The following EEF1AKMT2 variants were observed in gnomAD, a reference collection of about 807,000 sequenced individuals.
The protein encoded by EEF1AKMT2 is EEF1A lysine methyltransferase 2.
EEF1AKMT2 carries 32 observed loss-of-function variants against 35.8 expected under a neutral mutation model. The ratio of observed to expected loss-of-function variants is 0.89; its 90% CI spans 0.67 to 1.20. The LOEUF is 1.20. EEF1AKMT2 is among the 50% of genes most tolerant of loss of function. EEF1AKMT2 has a pLI of 0.00. For synonymous variants in EEF1AKMT2, 121 were observed against 133.7 expected (o/e 0.91, Z 0.65); for missense variants, 330 against 347.5 (o/e 0.95, Z 0.40).
intron 5 of EEF1AKMT2, 26 bp downstream of exon 5, chr10:124,765,366 C>G (rs777280801): frequency 1.3e-6 from 2 of 1,577,232 alleles, no homozygotes; most frequent in Admixed American, 3.3e-5. Flanking sequence ...GGTAAGCACA[C>G]ATTTAAACAC....
intron 4 of EEF1AKMT2, among the ~76,000 whole-genome samples, chr10:124,771,521 T>C (rs964590526): frequency 6.6e-6 from 1 of 152,142 alleles, no homozygotes; most frequent in African/African-American, 2.4e-5. Flanking sequence ...AAGTCGAAAT[T>C]ACTCCTTGAT....
In EEF1AKMT2 at chr10:124,760,095, A is replaced by G. The variant is rs1409532003; in HGVS notation, c.*408T>C. ...ACCAAGGCACAAAAATCAAGAATAC[A>G]TGCTTTCTATAAACTCATTTACTAC... On this transcript the variant is annotated 3_prime_UTR_variant, in exon 7 of 7. Coordinates refer to ENST00000368836, the MANE Select transcript of EEF1AKMT2 (RefSeq NM_212554.4). The G allele has an allele frequency of 3.3e-6, 1 of 302,618 alleles. No individual in the cohort carries two copies. Among genetic ancestry groups the G allele is most frequent in the African/African-American group, 2.1e-5 (1 of 46,614 alleles). 18.7% of individuals were successfully genotyped at this position (302,618 alleles called of 1,614,324 possible).
chr10:124,771,392 C>A (rs1380581230), intron 4 of EEF1AKMT2, among the ~76,000 whole-genome samples: 2 of 151,790 alleles, frequency 1.3e-5, no homozygotes, highest in African/African-American at 2.4e-5. Context: ...AGCCACCGCG[C>A]CCAGCCCATT....
chr10:124,785,911 A>AG (rs1267851108), intron 3 of EEF1AKMT2, among the ~76,000 whole-genome samples: 9 of 151,416 alleles, frequency 5.9e-5, no homozygotes, highest in African/African-American at 1.9e-4. Context: ...AAAAAAAAAA[A>AG]AAAAAAAGAT....
At chr10:124,774,811 A>G in intron 3 of EEF1AKMT2, 29 bp from the exon 4 acceptor site, 1 of 1,070,480 alleles carries the variant, frequency 9.3e-7, no homozygotes, top group Middle Eastern at 2.8e-4. Context: ...ATACTTTAGT[A>G]TAAAATTTTA....
intron 4 of EEF1AKMT2, among the ~76,000 whole-genome samples, chr10:124,766,573 G>C (rs1402834792): frequency 6.6e-6 from 1 of 152,082 alleles, no homozygotes; most frequent in Non-Finnish European, 1.5e-5. Flanking sequence ...TAGGCAATTA[G>C]CTCACAATTA....
downstream of EEF1AKMT2, chr10:124,757,747 A>G (rs1950297512): frequency 6.6e-6 from 1 of 152,148 alleles, no homozygotes; most frequent in Non-Finnish European, 1.5e-5. Flanking sequence ...CAAAACCCAG[A>G]AGATTGCATG....
At chr10:124,775,957 G>A (rs1041526229) in intron 3 of EEF1AKMT2, among the ~76,000 whole-genome samples, 9 of 148,556 alleles carry the variant, frequency 6.1e-5, no homozygotes, top group African/African-American at 7.5e-5. Context: ...TCGCTCTGTC[G>A]CCCAGGCTGC....
At chr10:124,770,111 C>T (rs893659982) in intron 4 of EEF1AKMT2, among the ~76,000 whole-genome samples, 3 of 151,798 alleles carry the variant, frequency 2.0e-5, no homozygotes, top group East Asian at 2.0e-4. Context: ...GATGAAATCT[C>T]GTCTCTACTA....
intron 4 of EEF1AKMT2, among the ~76,000 whole-genome samples, chr10:124,769,218 C>CAA (rs1554917142): frequency 1.3e-4 from 4 of 31,288 alleles, no homozygotes; most frequent in African/African-American, 3.5e-4. Context: ...ACACTGTCTC[C>CAA]AAAAAAAAAA....
intron 4 of EEF1AKMT2, among the ~76,000 whole-genome samples, chr10:124,771,122 C>CA (rs938336105): frequency 6.7e-6 from 1 of 149,614 alleles, no homozygotes; most frequent in Non-Finnish European, 1.5e-5. Context: ...TTTTTTGAGA[C>CA]AGAGTCTTGC....
chr10:124,784,669 G>A (rs1358540975), intron 3 of EEF1AKMT2, among the ~76,000 whole-genome samples: 2 of 151,594 alleles, frequency 1.3e-5, no homozygotes, highest in Admixed American at 6.6e-5. Flanking sequence ...GGTGGCTCAC[G>A]CCTGTAATCC....
intron 3 of EEF1AKMT2, among the ~76,000 whole-genome samples, chr10:124,783,787 A>T (rs1950562853): frequency 6.6e-6 from 1 of 152,108 alleles, no homozygotes. Context: ...CTGGGACTAC[A>T]GGTGCACTTG....
chr10:124,781,466 C>G (rs750938021), intron 3 of EEF1AKMT2, among the ~76,000 whole-genome samples: 10 of 151,544 alleles, frequency 6.6e-5, no homozygotes, highest in Non-Finnish European at 1.5e-4. Flanking sequence ...ATAATCCCAG[C>G]TACTCGGGAG....
intron 4 of EEF1AKMT2, among the ~76,000 whole-genome samples, chr10:124,770,614 G>A (rs185964025): frequency 3.4e-4 from 52 of 152,264 alleles, no homozygotes; most frequent in African/African-American, 1.1e-3. Context: ...TTGCCGTATC[G>A]ACTGATTCTT....
intron 3 of EEF1AKMT2, among the ~76,000 whole-genome samples, chr10:124,781,260 T>C (rs937779088): frequency 6.6e-6 from 1 of 151,578 alleles, no homozygotes; most frequent in Non-Finnish European, 1.5e-5. Context: ...ATTTTTAAAG[T>C]ACTGAAAGAA....
intron 4 of EEF1AKMT2, among the ~76,000 whole-genome samples, chr10:124,766,630 ACT>A (rs1950380289): frequency 6.6e-6 from 1 of 152,030 alleles, no homozygotes; most frequent in South Asian, 2.1e-4. Context: ...TTAATCTAAA[ACT>A]CTATTGACTT....
chr10:124,770,055 G>T (rs943726045), intron 4 of EEF1AKMT2, among the ~76,000 whole-genome samples: 4 of 152,020 alleles, frequency 2.6e-5, no homozygotes, highest in Non-Finnish European at 4.4e-5. Flanking sequence ...GGCCAAGGTG[G>T]AGGGATCATC....
chr10:124,766,251 T>G (rs1215309808), intron 4 of EEF1AKMT2: 2 of 152,138 alleles, frequency 1.3e-5, no homozygotes, highest in Admixed American at 6.5e-5. Flanking sequence ...AGTTACAAAT[T>G]TATTCCTTCC....
Sources: allele counts gnomAD v4.1 joint callset (sites outside exome capture counted in the v4.1 genomes callset), GRCh38; gene constraint gnomAD v4.1.1; transcripts MANE v1.5; gene names NCBI Gene and HGNC (gene_info 2026-07-23, HGNC 2026-07-21).